The following PCDH11X variants were observed in gnomAD, a reference collection of about 807,000 sequenced individuals.
The protein encoded by PCDH11X is protocadherin 11 X-linked, also known as protocadherin-11 X-linked.
In PCDH11X, 18 loss-of-function variants were observed where a neutral mutation model predicts 53.3. That is an observed-to-expected ratio of 0.34 (90% CI 0.23 to 0.50). The LOEUF (loss-of-function observed/expected upper bound fraction) is 0.50. PCDH11X is among the 20% of genes least tolerant of loss of function. PCDH11X has a pLI of 0.98. For missense variants in PCDH11X, 570 were observed against 1,032.4 expected (o/e 0.55, Z 6.14); for synonymous variants, 279 against 393.3 (o/e 0.71, Z 3.44).
intron 6 of PCDH11X, among the ~76,000 whole-genome samples, chrX:91,958,763 G>A (rs747854973): frequency 4.8e-4 from 53 of 110,824 alleles, no homozygotes; most frequent in African/African-American, 1.7e-3. Flanking sequence ...GTGGACCACA[G>A]CTGCTTCTAA....
rs779569038 is a variant in PCDH11X at position 91,933,891 on chromosome X, TG to T, written c.3033+54619del. ...GTAAAAAAAGTAATAACAATCATAATGTGAACAATTAACAAAAATCACCCAA... is the reference window on the plus strand; with the variant it reads ...GTAAAAAAAGTAATAACAATCATAATTGAACAATTAACAAAAATCACCCAA... On this transcript the variant is annotated intron_variant, in intron 6 of 10. Coordinates refer to ENST00000682573, the MANE Select transcript of PCDH11X (RefSeq NM_032968.5). Among the ~76,000 whole-genome samples, 4 of 109,854 alleles carry T rather than the reference TG, an allele frequency of 3.6e-5. No homozygotes were observed. In the South Asian group the frequency reaches 1.6e-3, roughly 43 times the overall value.
At chrX:91,851,322 C>T (rs1427154874) in intron 5 of PCDH11X, among the ~76,000 whole-genome samples, 1 of 111,489 alleles carries the variant, frequency 9.0e-6, no homozygotes, top group Non-Finnish European at 1.9e-5. Context: ...ATACACTTGC[C>T]ACTTTCATTT....
intron 8 of PCDH11X, among the ~76,000 whole-genome samples, chrX:92,386,313 A>G (rs1221728402): frequency 9.0e-6 from 1 of 111,631 alleles, no homozygotes; most frequent in Non-Finnish European, 1.9e-5. Flanking sequence ...ATTTGTGAAA[A>G]CATATGCATT....
chrX:92,418,786 G>T (rs2071878445), intron 9 of PCDH11X, among the ~76,000 whole-genome samples: 1 of 104,824 alleles, frequency 9.5e-6, no homozygotes, highest in Non-Finnish European at 2.0e-5. Flanking sequence ...TCTTCTTTTT[G>T]CTTGCTTTGA....
chrX:92,283,515 G>A (rs760752610), intron 8 of PCDH11X, among the ~76,000 whole-genome samples: 3 of 111,370 alleles, frequency 2.7e-5, no homozygotes, highest in Non-Finnish European at 5.7e-5. Context: ...CAGTGATTTA[G>A]TGAGGGCTTT....
chrX:92,274,354 G>C (rs368117530), intron 8 of PCDH11X, among the ~76,000 whole-genome samples: 11 of 109,426 alleles, frequency 1.0e-4, no homozygotes, highest in Middle Eastern at 4.7e-3. Flanking sequence ...TGAATACTAA[G>C]AGCCTGAAAA....
chrX:92,066,740 G>A (rs188835321), intron 6 of PCDH11X, among the ~76,000 whole-genome samples: 30 of 112,244 alleles, frequency 2.7e-4, no homozygotes, highest in African/African-American at 9.1e-4. Flanking sequence ...ATTCGGTGGC[G>A]TCTTTCGGTT....
chrX:92,594,232 TTAA>T (rs1925330276), intron 10 of PCDH11X, among the ~76,000 whole-genome samples: 2 of 108,120 alleles, frequency 1.8e-5, no homozygotes, highest in Non-Finnish European at 3.8e-5. Context: ...TATCAAGTGT[TTAA>T]ACATTTGATA....
intron 6 of PCDH11X, among the ~76,000 whole-genome samples, chrX:91,881,333 C>CA (rs1939893220): frequency 9.0e-6 from 1 of 110,810 alleles, no homozygotes; most frequent in Non-Finnish European, 1.9e-5. Flanking sequence ...AGTCAAAATA[C>CA]AAAAAAGTAA....
chrX:92,148,522 G>T (rs1363116340), intron 6 of PCDH11X, among the ~76,000 whole-genome samples: 5 of 107,227 alleles, frequency 4.7e-5, no homozygotes, highest in African/African-American at 1.7e-4. Flanking sequence ...CCACTGCGTC[G>T]GCCTGAATTT....
chrX:91,944,435 C>T (rs2061548161), intron 6 of PCDH11X, among the ~76,000 whole-genome samples: 1 of 104,283 alleles, frequency 9.6e-6, no homozygotes, highest in African/African-American at 3.5e-5. Context: ...GATATTCACA[C>T]AAAATATCTG....
chrX:92,196,614 G>GA (rs751572659), intron 6 of PCDH11X, among the ~76,000 whole-genome samples: 47 of 107,450 alleles, frequency 4.4e-4, no homozygotes, highest in African/African-American at 1.2e-3. Context: ...TCAGATATAT[G>GA]AAAAAAAAAA....
chrX:91,992,962 C>G (rs2147945941), intron 6 of PCDH11X, among the ~76,000 whole-genome samples: 1 of 110,867 alleles, frequency 9.0e-6, no homozygotes, highest in African/African-American at 3.3e-5. Context: ...GAGGAATAAC[C>G]TATGTTTTTG....
intron 8 of PCDH11X, among the ~76,000 whole-genome samples, chrX:92,292,565 T>C (rs988196303): frequency 9.0e-6 from 1 of 110,984 alleles, no homozygotes; most frequent in African/African-American, 3.3e-5. Flanking sequence ...TGTCATTTAC[T>C]GAAGCCACAA....
intron 10 of PCDH11X, among the ~76,000 whole-genome samples, chrX:92,522,553 G>A (rs1367731300): frequency 6.3e-5 from 7 of 111,066 alleles, no homozygotes; most frequent in East Asian, 2.8e-4. Context: ...TTAGAAAAAC[G>A]GCATGGATAG....
chrX:92,576,011 T>TATGTACAC (rs1376237034), intron 10 of PCDH11X, among the ~76,000 whole-genome samples: 12 of 28,097 alleles, frequency 4.3e-4, no homozygotes, highest in African/African-American at 1.7e-3. Flanking sequence ...TATATATATA[T>TATGTACAC]ACACACACAC....
intron 4 of PCDH11X, among the ~76,000 whole-genome samples, chrX:91,821,937 G>C (rs1200359007): frequency 1.0e-5 from 1 of 99,528 alleles, no homozygotes; most frequent in Admixed American, 1.0e-4. Flanking sequence ...ATAATCATGT[G>C]GTTTTTGTCT....
chrX:91,895,515 C>G (rs989215950), intron 6 of PCDH11X, among the ~76,000 whole-genome samples: 1 of 110,541 alleles, frequency 9.0e-6, no homozygotes, highest in Non-Finnish European at 1.9e-5. Context: ...TTGCCTCTCC[C>G]TGGTAATGCC....
chrX:92,496,630 G>T lies in PCDH11X; in HGVS notation c.3367+28308G>T, dbSNP rs2073865035. 2.9e-5 allele frequency among the ~76,000 whole-genome samples: 3 copies of T among 104,932 alleles called. 1 individual carries two copies. The highest frequency in any genetic ancestry group is 7.4e-5 in the African/African-American group (2 of 26,979). The allele number at this position is 104,932 out of a possible 115,157, so 91.1% of individuals were successfully genotyped here. A position where few individuals can be genotyped will look rare whatever the true frequency, so the allele number is the denominator to read the frequency against. ...GGACGACAATGGATTATGGAATATGGCAAAACCAAAATTATGTTAATGTAG... is the reference window on the plus strand; with the variant it reads ...GGACGACAATGGATTATGGAATATGTCAAAACCAAAATTATGTTAATGTAG... On this transcript the variant is annotated intron_variant, in intron 10 of 10. Transcript: ENST00000682573.
Sources: allele counts gnomAD v4.1 joint callset (sites outside exome capture counted in the v4.1 genomes callset), GRCh38; gene constraint gnomAD v4.1.1; transcripts MANE v1.5; gene names NCBI Gene and HGNC (gene_info 2026-07-23, HGNC 2026-07-21).